The following GRB10 variants were observed in gnomAD, a reference collection of about 807,000 sequenced individuals.
GRB10 encodes the protein growth factor receptor-bound protein 10.
Under a neutral mutation model 80.9 loss-of-function variants are expected in GRB10, and 20 were observed. The ratio of observed to expected loss-of-function variants is 0.25; its 90% confidence interval spans 0.17 to 0.36. GRB10 has a LOEUF of 0.36. Ranked by LOEUF, GRB10 falls within the 10% of genes least tolerant of loss-of-function variation. GRB10 has a pLI of 1.00. For synonymous variants in GRB10, 291 were observed against 291.5 expected (o/e 1.00, Z 0.02); for missense variants, 548 against 747.7 (o/e 0.73, Z 3.12).
intron 5 of GRB10, among the ~76,000 whole-genome samples, chr7:50,686,993 C>T (rs1452686166): frequency 1.3e-5 from 2 of 152,154 alleles, no homozygotes; most frequent in Non-Finnish European, 2.9e-5. Context: ...CTGCCCTTGC[C>T]TCATGACCTT....
At chr7:50,729,763 G>A (rs1308103302) in intron 4 of GRB10, among the ~76,000 whole-genome samples, 1 of 136,102 alleles carries the variant, frequency 7.3e-6, no homozygotes, top group African/African-American at 2.8e-5. Flanking sequence ...CTCTCCCCCC[G>A]TTGTCCCATT....
chr7:50,748,637 C>T (rs1348805052), intron 3 of GRB10, among the ~76,000 whole-genome samples: 2 of 152,148 alleles, frequency 1.3e-5, no homozygotes, highest in Admixed American at 1.3e-4. Context: ...CCTAACAATA[C>T]CCCGAGTGTC....
At chr7:50,741,198 G>A (rs1208555198) in intron 3 of GRB10, among the ~76,000 whole-genome samples, 1 of 152,178 alleles carries the variant, frequency 6.6e-6, no homozygotes, top group Non-Finnish European at 1.5e-5. Context: ...GCAGATGTTG[G>A]TCTATTATGT....
At chr7:50,696,619 C>T (rs1021638674) in intron 5 of GRB10, among the ~76,000 whole-genome samples, 1 of 152,210 alleles carries the variant, frequency 6.6e-6, no homozygotes, top group Non-Finnish European at 1.5e-5. Context: ...GGCATCTTTA[C>T]TCAATTGGGT....
At chr7:50,756,105 A>G (rs189430371) in intron 2 of GRB10, 49 bp from the exon 3 acceptor site, 239 of 398,694 alleles carry the variant, frequency 6.0e-4, no homozygotes, top group Admixed American at 9.2e-4. Context: ...ATTTATACAA[A>G]TGAACTTATA....
chr7:50,745,699 C>A (rs1247839444), intron 3 of GRB10, among the ~76,000 whole-genome samples: 1 of 152,188 alleles, frequency 6.6e-6, no homozygotes, highest in Non-Finnish European at 1.5e-5. Flanking sequence ...TGGATTTAAA[C>A]ACTTTATAAA....
At chr7:50,615,295 C>T (rs1318097014) in intron 11 of GRB10, among the ~76,000 whole-genome samples, 1 of 152,214 alleles carries the variant, frequency 6.6e-6, no homozygotes, top group Admixed American at 6.5e-5. Context: ...GCTTGTCCCA[C>T]CCTTCTCCTC....
intron 2 of GRB10, among the ~76,000 whole-genome samples, chr7:50,773,227 C>G (rs1325080149): frequency 1.3e-5 from 2 of 151,824 alleles, no homozygotes; most frequent in Non-Finnish European, 2.9e-5. Flanking sequence ...TACCTCCCAC[C>G]AGGTCCCTCC....
At chr7:50,661,210 A>G (rs1172696253) in intron 7 of GRB10, among the ~76,000 whole-genome samples, 1 of 152,216 alleles carries the variant, frequency 6.6e-6, no homozygotes, top group Non-Finnish European at 1.5e-5. Context: ...GGTCTAACAT[A>G]TTGCATGCAG....
intron 4 of GRB10, among the ~76,000 whole-genome samples, chr7:50,728,702 G>A (rs1051136359): frequency 1.3e-5 from 2 of 152,168 alleles, no homozygotes; most frequent in Non-Finnish European, 2.9e-5. Context: ...ACCGGGTCTT[G>A]CTCTGTCGCC....
intron 13 of GRB10, chr7:50,607,167 A>G (rs1017571443): frequency 6.6e-6 from 1 of 152,538 alleles, no homozygotes; most frequent in Non-Finnish European, 1.5e-5. Flanking sequence ...TGTACTAGCA[A>G]CAGGAGGTGG....
At chr7:50,608,008 G>A (rs1472535987) in intron 13 of GRB10, among the ~76,000 whole-genome samples, 6 of 152,206 alleles carry the variant, frequency 3.9e-5, no homozygotes, top group African/African-American at 1.2e-4. Flanking sequence ...AGAACATGAT[G>A]CAAAGGTCTA....
At chr7:50,714,936 AGAAG>A (rs1487022805) in intron 4 of GRB10, among the ~76,000 whole-genome samples, 3 of 152,108 alleles carry the variant, frequency 2.0e-5, no homozygotes, top group Non-Finnish European at 4.4e-5. Context: ...CCCCATGAGC[AGAAG>A]GAAGAGAGAA....
intron 2 of GRB10, among the ~76,000 whole-genome samples, chr7:50,764,276 C>T (rs1251474237): frequency 6.6e-6 from 1 of 152,224 alleles, no homozygotes; most frequent in Non-Finnish European, 1.5e-5. Flanking sequence ...TAGCTCAGCC[C>T]TTGGCTGCCT....
chr7:50,718,753 G>A (rs1466973992), intron 4 of GRB10, among the ~76,000 whole-genome samples: 3 of 152,188 alleles, frequency 2.0e-5, no homozygotes, highest in South Asian at 2.1e-4. Context: ...TGTAACCGTC[G>A]AAACCCTGAG....
intron 5 of GRB10, among the ~76,000 whole-genome samples, chr7:50,677,082 G>A (rs184374560): frequency 2.0e-5 from 3 of 152,234 alleles, no homozygotes; most frequent in African/African-American, 7.2e-5. Flanking sequence ...CCGAAGATGC[G>A]GACTGGGTGA....
chr7:50,628,612 C>A (rs1439489157), intron 7 of GRB10, among the ~76,000 whole-genome samples: 1 of 152,078 alleles, frequency 6.6e-6, no homozygotes, highest in Non-Finnish European at 1.5e-5. Flanking sequence ...AGCGGAAGAG[C>A]CCTTCTCTGT....
intron 2 of GRB10, among the ~76,000 whole-genome samples, chr7:50,762,169 A>G (rs907276516): frequency 6.6e-6 from 1 of 151,886 alleles, no homozygotes; most frequent in Non-Finnish European, 1.5e-5. Flanking sequence ...ACCGATCTGA[A>G]CGTTTAGTAA....
intron 7 of GRB10, 113 bp from the exon 8 acceptor site, chr7:50,627,091 G>A (rs762165853): frequency 5.9e-5 from 66 of 1,110,758 alleles, no homozygotes; most frequent in Non-Finnish European, 8.7e-5. Flanking sequence ...CAACACATGG[G>A]CAACTGTTTT....
Sources: gnomAD v4.1 joint callset for allele counts (sites outside exome capture counted in the v4.1 genomes callset) on GRCh38, gnomAD v4.1.1 for gene constraint, MANE v1.5 for transcripts, NCBI Gene and HGNC (gene_info 2026-07-23, HGNC 2026-07-21) for gene names.